CHST11: variants seen among roughly 807,000 people sequenced by gnomAD.
CHST11 encodes the protein C4S-1.
Under a neutral mutation model 30.4 loss-of-function variants are expected in CHST11, and 9 were observed. That is an observed-to-expected ratio of 0.30 (90% CI 0.18 to 0.52). CHST11 has a LOEUF of 0.52. CHST11 is among the 20% of genes least tolerant of loss of function. The probability of loss-of-function intolerance (pLI) is 0.97; values close to 1 mark genes in which losing one functional copy is unlikely to be tolerated. For missense variants in CHST11, 348 were observed against 460.6 expected (o/e 0.76, Z 2.24); for synonymous variants, 152 against 187.8 (o/e 0.81, Z 1.56).
chr12:104,567,857 G>A (rs753489540), intron 1 of CHST11, among the ~76,000 whole-genome samples: 4 of 152,210 alleles, frequency 2.6e-5, no homozygotes, highest in Non-Finnish European at 5.9e-5. Context: ...GCCTGAGGGA[G>A]CCTCTTCACC....
At chr12:104,499,904 C>G (rs956088103) in intron 1 of CHST11, among the ~76,000 whole-genome samples, 1 of 152,198 alleles carries the variant, frequency 6.6e-6, no homozygotes, top group Non-Finnish European at 1.5e-5. Flanking sequence ...CAGCCCAGGG[C>G]TCAGTGGGGG....
chr12:104,723,809 C>A (rs1014842718), intron 2 of CHST11, among the ~76,000 whole-genome samples: 2 of 152,202 alleles, frequency 1.3e-5, no homozygotes, highest in Non-Finnish European at 2.9e-5. Context: ...GACCTCTTCT[C>A]AGAGAAAAAC....
chr12:104,732,136 G>A (rs1592863947), intron 2 of CHST11, among the ~76,000 whole-genome samples: 1 of 152,372 alleles, frequency 6.6e-6, no homozygotes, highest in Admixed American at 6.5e-5. Flanking sequence ...AGCATCAGTG[G>A]CTCAGAAGCA....
intron 1 of CHST11, chr12:104,514,424 C>T (rs547823221): frequency 2.2e-6 from 2 of 914,470 alleles, no homozygotes; most frequent in Non-Finnish European, 1.8e-6. Flanking sequence ...CCTTCCTCAT[C>T]CTCTTCACCA....
intron 1 of CHST11, among the ~76,000 whole-genome samples, chr12:104,580,427 A>G (rs1032421949): frequency 6.6e-6 from 1 of 152,228 alleles, no homozygotes; most frequent in Non-Finnish European, 1.5e-5. Flanking sequence ...TCTAAATACC[A>G]TGGGATGTAA....
At chr12:104,603,312 G>A (rs546339477) in intron 2 of CHST11, among the ~76,000 whole-genome samples, 1 of 152,242 alleles carries the variant, frequency 6.6e-6, no homozygotes, top group South Asian at 2.1e-4. Context: ...TCTTTTTGTT[G>A]ATATCCTCTG....
chr12:104,631,126 T>C (rs1010357925), intron 2 of CHST11, among the ~76,000 whole-genome samples: 13 of 152,176 alleles, frequency 8.5e-5, no homozygotes, highest in African/African-American at 3.1e-4. Context: ...GTTAACCAAA[T>C]GTGGGAAGAA....
intron 2 of CHST11, among the ~76,000 whole-genome samples, chr12:104,705,484 C>T (rs1187852527): frequency 6.6e-6 from 1 of 152,126 alleles, no homozygotes. Flanking sequence ...TTTGGAGCAC[C>T]AACTGTGCCT....
chr12:104,732,659 T>C (rs900546845), intron 2 of CHST11, among the ~76,000 whole-genome samples: 1 of 152,196 alleles, frequency 6.6e-6, no homozygotes, highest in African/African-American at 2.4e-5. Context: ...ATGTCCCTCC[T>C]GTCCAAGTGT....
chr12:104,734,647 C>A (rs1021297172), intron 2 of CHST11, among the ~76,000 whole-genome samples: 1 of 152,158 alleles, frequency 6.6e-6, no homozygotes, highest in South Asian at 2.1e-4. Flanking sequence ...GGGTTATTGC[C>A]CTGTAGTTCA....
chr12:104,463,980 C>A (rs948768190), intron 1 of CHST11, among the ~76,000 whole-genome samples: 14 of 151,694 alleles, frequency 9.2e-5, no homozygotes, highest in African/African-American at 3.4e-4. Context: ...GCTGCAGAAG[C>A]TTGAGCAGAG....
chr12:104,474,171 A>G (rs879327628), intron 1 of CHST11, among the ~76,000 whole-genome samples: 1 of 152,192 alleles, frequency 6.6e-6, no homozygotes, highest in African/African-American at 2.4e-5. Flanking sequence ...AGGTATTGGA[A>G]TGGGGATTAT....
At chr12:104,543,647 C>T (rs898359720) in intron 1 of CHST11, among the ~76,000 whole-genome samples, 2 of 152,098 alleles carry the variant, frequency 1.3e-5, no homozygotes, top group Admixed American at 1.3e-4. Flanking sequence ...TGGATCCTGC[C>T]TGATGTACTT....
intron 2 of CHST11, among the ~76,000 whole-genome samples, chr12:104,648,354 T>G (rs910659882): frequency 1.3e-5 from 2 of 152,242 alleles, no homozygotes; most frequent in Admixed American, 6.5e-5. Context: ...CAGAGTCATT[T>G]TGGGGCCATA....
At chr12:104,507,125 G>T (rs753586805) in intron 1 of CHST11, among the ~76,000 whole-genome samples, 15 of 152,224 alleles carry the variant, frequency 9.9e-5, no homozygotes, top group Non-Finnish European at 2.1e-4. Flanking sequence ...ACGGTTCAGT[G>T]CAGGGACAGG....
At chr12:104,555,061 C>T (rs1056329198) in intron 1 of CHST11, among the ~76,000 whole-genome samples, 1 of 152,362 alleles carries the variant, frequency 6.6e-6, no homozygotes, top group Admixed American at 6.5e-5. Flanking sequence ...GCTGTGTTGG[C>T]AAATGGCAGT....
chr12:104,604,764 C>G (rs2038987317), intron 2 of CHST11, among the ~76,000 whole-genome samples: 1 of 152,154 alleles, frequency 6.6e-6, no homozygotes, highest in Admixed American at 6.5e-5. Flanking sequence ...GTTTTTTGTA[C>G]TGACTGCTTA....
At chr12:104,559,089 T>A (rs547057766) in intron 1 of CHST11, among the ~76,000 whole-genome samples, 2 of 151,456 alleles carry the variant, frequency 1.3e-5, no homozygotes, top group African/African-American at 4.9e-5. Flanking sequence ...TTCCCCAGTA[T>A]CAATCAGTGG....
At chr12:104,678,547 T>C (rs568982306) in intron 2 of CHST11, among the ~76,000 whole-genome samples, 1 of 152,354 alleles carries the variant, frequency 6.6e-6, no homozygotes, top group East Asian at 1.9e-4. Flanking sequence ...GGAGGCATAG[T>C]TTAATAAATG....
Sources: allele counts gnomAD v4.1 joint callset (sites outside exome capture counted in the v4.1 genomes callset), GRCh38; gene constraint gnomAD v4.1.1; transcripts MANE v1.5; gene names NCBI Gene and HGNC (gene_info 2026-07-23, HGNC 2026-07-21).